The following CTNND2 variants were observed in gnomAD, a reference collection of about 807,000 sequenced individuals.
CTNND2 encodes catenin delta-2.
CTNND2 carries 22 observed loss-of-function variants against 144.4 expected under a neutral mutation model. That is an observed-to-expected ratio of 0.15 (90% confidence interval 0.11 to 0.22). CTNND2 has a LOEUF of 0.22. Among genes scored for constraint, CTNND2 ranks in the 10% least tolerant of loss-of-function variants. The probability of loss-of-function intolerance (pLI) is 1.00; values close to 1 mark genes in which losing one functional copy is unlikely to be tolerated. For synonymous variants in CTNND2, 751 were observed against 695.6 expected (o/e 1.08, Z -1.25); for missense variants, 1,353 against 1,618.8 (o/e 0.84, Z 2.82).
chr5:11,103,352 G>A (rs552041584), intron 14 of CTNND2, among the ~76,000 whole-genome samples: 130 of 152,142 alleles, frequency 8.5e-4, no homozygotes, highest in South Asian at 2.3e-3. Flanking sequence ...CTTATATGAA[G>A]AGAAAGACGT....
At chr5:11,022,627 C>T (rs1284884381) in intron 17 of CTNND2, 142 bp downstream of exon 17, 10 of 675,054 alleles carry the variant, frequency 1.5e-5, no homozygotes, top group Non-Finnish European at 2.6e-5. Flanking sequence ...GACTGGAAAC[C>T]ATTTGCCATT....
In CTNND2 at chr5:11,638,961, G is replaced by A. The variant is rs2727575; in HGVS notation, c.175-73905C>T. Among the ~76,000 whole-genome samples, 399 of 152,218 alleles carry A rather than the reference G, an allele frequency of 2.6e-3. 1 individual carries two copies. Among genetic ancestry groups the A allele is most frequent in the African/African-American group, 9.1e-3 (376 of 41,524 alleles). On this transcript the variant is annotated intron_variant, in intron 2 of 21. Coordinates refer to ENST00000304623, the MANE Select transcript of CTNND2 (RefSeq NM_001332.4). ...GATCTGTGACAATTTAAAGAATTCC[G>A]GTTTTGGCCCATCTTTTCCATCAGA...
intron 9 of CTNND2, among the ~76,000 whole-genome samples, chr5:11,271,840 G>A (rs769656231): frequency 6.6e-6 from 1 of 152,078 alleles, no homozygotes; most frequent in Non-Finnish European, 1.5e-5. Context: ...TTCATTCTAA[G>A]ATATGCTTCA....
chr5:11,811,497 TC>T (rs1394363466), intron 1 of CTNND2, among the ~76,000 whole-genome samples: 1 of 152,164 alleles, frequency 6.6e-6, no homozygotes, highest in Non-Finnish European at 1.5e-5. Flanking sequence ...GTATAAATTC[TC>T]TTGGATAAGG....
chr5:11,488,942 A>G (rs918776164), intron 3 of CTNND2, among the ~76,000 whole-genome samples: 1 of 152,178 alleles, frequency 6.6e-6, no homozygotes, highest in African/African-American at 2.4e-5. Context: ...GGACGTGTAG[A>G]GTTTAAGCAT....
intron 9 of CTNND2, among the ~76,000 whole-genome samples, chr5:11,326,125 G>A (rs1255020834): frequency 6.6e-6 from 1 of 152,092 alleles, no homozygotes; most frequent in East Asian, 1.9e-4. Context: ...ATCAATTCCT[G>A]TTCCTTTTAC....
chr5:11,255,375 C>A (rs1052354173), intron 9 of CTNND2, among the ~76,000 whole-genome samples: 2 of 152,198 alleles, frequency 1.3e-5, no homozygotes, highest in African/African-American at 2.4e-5. Flanking sequence ...TGGTTTTGCA[C>A]AGAGGCCGAC....
chr5:11,403,365 C>T (rs971651545), intron 5 of CTNND2, among the ~76,000 whole-genome samples: 5 of 152,174 alleles, frequency 3.3e-5, no homozygotes, highest in Non-Finnish European at 7.3e-5. Context: ...ATCCATGTCC[C>T]TGCAAAGGAC....
intron 17 of CTNND2, among the ~76,000 whole-genome samples, chr5:11,021,906 G>A (rs1006051745): frequency 2.0e-5 from 3 of 152,048 alleles, no homozygotes; most frequent in Admixed American, 6.6e-5. Context: ...TAATTACATC[G>A]AGGGACTTCC....
At chr5:11,424,471 A>T (rs553857117) in intron 3 of CTNND2, among the ~76,000 whole-genome samples, 1 of 141,818 alleles carries the variant, frequency 7.1e-6, no homozygotes, top group South Asian at 2.2e-4. Context: ...ACACACACAC[A>T]TACACATACA....
At chr5:11,542,502 T>C (rs1431430882) in intron 3 of CTNND2, among the ~76,000 whole-genome samples, 1 of 152,228 alleles carries the variant, frequency 6.6e-6, no homozygotes, top group Non-Finnish European at 1.5e-5. Flanking sequence ...ATACCAACTA[T>C]AATTACTTCC....
chr5:11,157,799 A>C (rs368246036), intron 12 of CTNND2, among the ~76,000 whole-genome samples: 7 of 152,282 alleles, frequency 4.6e-5, no homozygotes, highest in African/African-American at 1.7e-4. Context: ...GCTTCCTATT[A>C]TGTGGTCACT....
At chr5:11,341,626 A>G (rs530181698) in intron 9 of CTNND2, among the ~76,000 whole-genome samples, 80 of 152,376 alleles carry the variant, frequency 5.3e-4, no homozygotes, top group Non-Finnish European at 1.0e-3. Flanking sequence ...CATTTCAGCC[A>G]TGTTATTTGA....
intron 2 of CTNND2, among the ~76,000 whole-genome samples, chr5:11,681,348 T>C (rs1784414256): frequency 6.6e-6 from 1 of 152,212 alleles, no homozygotes; most frequent in Non-Finnish European, 1.5e-5. Context: ...AGGATGCAGA[T>C]TAAAGTCTCC....
intron 2 of CTNND2, among the ~76,000 whole-genome samples, chr5:11,689,720 C>A (rs1784810469): frequency 6.6e-6 from 1 of 151,398 alleles, no homozygotes; most frequent in Non-Finnish European, 1.5e-5. Flanking sequence ...ACTTGAGAAG[C>A]AAAAGTGGTG....
intron 3 of CTNND2, among the ~76,000 whole-genome samples, chr5:11,434,669 A>G (rs1023051322): frequency 1.3e-5 from 2 of 152,226 alleles, no homozygotes; most frequent in East Asian, 1.9e-4. Flanking sequence ...TATGTGGTAA[A>G]TCAAGTATAT....
intron 1 of CTNND2, among the ~76,000 whole-genome samples, chr5:11,741,584 G>A (rs1210579353): frequency 2.0e-5 from 3 of 151,894 alleles, no homozygotes; most frequent in African/African-American, 7.3e-5. Flanking sequence ...CGTGGGGCTG[G>A]GGGAGAGATA....
chr5:11,037,407 T>C (rs1744203050), intron 16 of CTNND2, among the ~76,000 whole-genome samples: 2 of 152,210 alleles, frequency 1.3e-5, no homozygotes, highest in African/African-American at 4.8e-5. Flanking sequence ...TCTAACAAGT[T>C]CTTTCGACAC....
At chr5:11,037,726 C>G (rs1206710993) in intron 16 of CTNND2, among the ~76,000 whole-genome samples, 5 of 152,170 alleles carry the variant, frequency 3.3e-5, no homozygotes. Flanking sequence ...CTTATAAAGA[C>G]TAGAATAAAA....
Sources: gnomAD v4.1 joint callset for allele counts (sites outside exome capture counted in the v4.1 genomes callset) on GRCh38, gnomAD v4.1.1 for gene constraint, MANE v1.5 for transcripts, NCBI Gene and HGNC (gene_info 2026-07-23, HGNC 2026-07-21) for gene names.